The following COMMD1 variants were observed in gnomAD, a reference collection of about 807,000 sequenced individuals.
The protein encoded by COMMD1 is COMM domain-containing protein 1.
In COMMD1, 10 loss-of-function variants were observed where a neutral mutation model predicts 17.2. That is an observed-to-expected ratio of 0.58 (90% confidence interval 0.36 to 0.99). COMMD1 has a LOEUF of 0.99. Ranked by LOEUF, COMMD1 falls within the 50% of genes least tolerant of loss-of-function variation. COMMD1 has a pLI of 0.01. For synonymous variants in COMMD1, 97 were observed against 91.6 expected, an observed-to-expected ratio of 1.06 and a Z score of -0.34; for missense variants, 270 against 231.8, an observed-to-expected ratio of 1.17 and a Z score of -1.07.
intron 2 of COMMD1, among the ~76,000 whole-genome samples, chr2:62,096,681 A>G (rs1672019482): frequency 1.3e-5 from 2 of 152,266 alleles, no homozygotes; most frequent in Non-Finnish European, 2.9e-5. Flanking sequence ...GAAAGGTCGT[A>G]ATAGCAGAGA....
chr2:62,007,587 G>A (rs1233157813), intron 2 of COMMD1, among the ~76,000 whole-genome samples: 1 of 152,072 alleles, frequency 6.6e-6, no homozygotes. Flanking sequence ...GATATGTTTA[G>A]TTACACAAAT....
intron 2 of COMMD1, among the ~76,000 whole-genome samples, chr2:62,126,846 C>T (rs1672899597): frequency 1.3e-5 from 2 of 152,148 alleles, no homozygotes; most frequent in African/African-American, 4.8e-5. Context: ...TCCCACCATT[C>T]CTATTCAACA....
intron 1 of COMMD1, among the ~76,000 whole-genome samples, chr2:61,982,461 T>C (rs547587610): frequency 6.6e-6 from 1 of 152,330 alleles, no homozygotes; most frequent in East Asian, 1.9e-4. Flanking sequence ...CCTTTCCAAT[T>C]TGGATGCCCT....
chr2:61,929,538 C>T lies in COMMD1; in HGVS notation c.180+23680C>T, dbSNP rs139373310. 5.8e-3 allele frequency among the ~76,000 whole-genome samples: 880 copies of T among 152,256 alleles called. 10 individuals are homozygous for T. The highest frequency in any genetic ancestry group is 0.02 in the African/African-American group (835 of 41,524). On this transcript the variant is annotated intron_variant, in intron 1 of 2. Transcript: ENST00000311832. ...TCTTTTGCCCTATCATATTTCTCCA[C>T]GACTCTCCTCTCTCCATCAAACCTA...
chr2:62,100,409 G>A (rs191485806), intron 2 of COMMD1: 4 of 152,256 alleles, frequency 2.6e-5, no homozygotes, highest in Non-Finnish European at 5.9e-5. Context: ...CACAGCCCTC[G>A]GGAGGTCCTG....
chr2:62,036,518 G>T (rs768036311), intron 2 of COMMD1, among the ~76,000 whole-genome samples: 1 of 152,180 alleles, frequency 6.6e-6, no homozygotes, highest in Non-Finnish European at 1.5e-5. Context: ...GCAGGATATG[G>T]TATTAGGTAT....
intron 1 of COMMD1, among the ~76,000 whole-genome samples, chr2:61,990,903 T>C (rs55950706): frequency 0.14 from 16,426 of 114,710 alleles, 1,387 homozygotes; most frequent in African/African-American, 0.21. Flanking sequence ...TATATATATA[T>C]ACACACACAC....
chr2:61,962,284 A>C (rs1254505614), intron 1 of COMMD1, among the ~76,000 whole-genome samples: 1 of 152,146 alleles, frequency 6.6e-6, no homozygotes, highest in African/African-American at 2.4e-5. Context: ...TATAATAAAG[A>C]ATGTGGTTGG....
intron 2 of COMMD1, among the ~76,000 whole-genome samples, chr2:62,110,079 G>T (rs1672416656): frequency 1.3e-5 from 2 of 151,600 alleles, no homozygotes; most frequent in Non-Finnish European, 2.9e-5. Context: ...TACTGAAATT[G>T]CCCTTTTCTG....
chr2:62,040,560 A>G (rs1670161251), intron 2 of COMMD1, among the ~76,000 whole-genome samples: 2 of 152,194 alleles, frequency 1.3e-5, no homozygotes, highest in Admixed American at 6.5e-5. Context: ...AAAAGACAAA[A>G]TATTTCAGGA....
intron 1 of COMMD1, among the ~76,000 whole-genome samples, chr2:61,990,609 G>A (rs1018892399): frequency 6.6e-6 from 1 of 152,156 alleles, no homozygotes; most frequent in Non-Finnish European, 1.5e-5. Flanking sequence ...ACAGTTCCAT[G>A]TGGCCGGAGA....
At chr2:62,016,130 G>A (rs1669438386) in intron 2 of COMMD1, among the ~76,000 whole-genome samples, 1 of 151,802 alleles carries the variant, frequency 6.6e-6, no homozygotes, top group African/African-American at 2.4e-5. Flanking sequence ...ACGATGCCCG[G>A]CCAGGTTTGC....
chr2:62,085,837 G>A (rs994222906), intron 2 of COMMD1, among the ~76,000 whole-genome samples: 15 of 151,532 alleles, frequency 9.9e-5, no homozygotes, highest in South Asian at 2.1e-4. Context: ...AAAAATTAGC[G>A]GGGCATGGTG....
chr2:62,029,138 G>T (rs1669846674), intron 2 of COMMD1, among the ~76,000 whole-genome samples: 1 of 152,136 alleles, frequency 6.6e-6, no homozygotes, highest in Non-Finnish European at 1.5e-5. Context: ...GAATAGAAAT[G>T]CTAATAATGT....
At chr2:62,036,054 TCACACACACA>T (rs70946776) in intron 2 of COMMD1, among the ~76,000 whole-genome samples, 4 of 143,392 alleles carry the variant, frequency 2.8e-5, no homozygotes, top group Non-Finnish European at 4.7e-5. Context: ...ACCCTGTCTC[TCACACACACA>T]CACACACACA....
chr2:62,038,395 A>G (rs1414255747), intron 2 of COMMD1, among the ~76,000 whole-genome samples: 1 of 152,222 alleles, frequency 6.6e-6, no homozygotes, highest in Non-Finnish European at 1.5e-5. Flanking sequence ...CAATACTCCA[A>G]TAACTGAGAA....
At chr2:62,028,974 C>G (rs1217353169) in intron 2 of COMMD1, among the ~76,000 whole-genome samples, 1 of 152,064 alleles carries the variant, frequency 6.6e-6, no homozygotes, top group Non-Finnish European at 1.5e-5. Flanking sequence ...GCTTCACCAT[C>G]AATTTATGAG....
At chr2:61,993,909 C>T (rs1668670982) in intron 1 of COMMD1, among the ~76,000 whole-genome samples, 1 of 152,118 alleles carries the variant, frequency 6.6e-6, no homozygotes, top group African/African-American at 2.4e-5. Context: ...TATTGTGAAG[C>T]AAGGTGTCAG....
chr2:62,116,255 G>C (rs746423160), intron 2 of COMMD1, among the ~76,000 whole-genome samples: 22 of 152,164 alleles, frequency 1.4e-4, no homozygotes, highest in African/African-American at 4.8e-4. Flanking sequence ...CCCAACTAAG[G>C]CATCTCAGCC....
Sources: gnomAD v4.1 joint callset for allele counts (sites outside exome capture counted in the v4.1 genomes callset) on GRCh38, gnomAD v4.1.1 for gene constraint, MANE v1.5 for transcripts, NCBI Gene and HGNC (gene_info 2026-07-23, HGNC 2026-07-21) for gene names.